The following KCNIP4 variants were observed in gnomAD, a reference collection of about 807,000 sequenced individuals.
The protein encoded by KCNIP4 is potassium voltage-gated channel interacting protein 4.
Under a neutral mutation model 34.0 loss-of-function variants are expected in KCNIP4, and 12 were observed. The observed-to-expected ratio is 0.35, with a 90% confidence interval of 0.23 to 0.57. KCNIP4 has a LOEUF of 0.57. Ranked by LOEUF, KCNIP4 falls within the 20% of genes least tolerant of loss-of-function variation. KCNIP4 has a pLI of 0.83. For missense variants in KCNIP4, 238 were observed against 311.7 expected (o/e 0.76, Z 1.78); for synonymous variants, 124 against 102.2 (o/e 1.21, Z -1.29).
At chr4:21,146,240 T>C (rs1329579655) in intron 1 of KCNIP4, among the ~76,000 whole-genome samples, 1 of 151,714 alleles carries the variant, frequency 6.6e-6, no homozygotes, top group Non-Finnish European at 1.5e-5. Context: ...CTACTAAAAA[T>C]ACAAAAAATT....
chr4:21,405,329 A>G (rs561041153), intron 1 of KCNIP4, among the ~76,000 whole-genome samples: 1 of 152,332 alleles, frequency 6.6e-6, no homozygotes, highest in South Asian at 2.1e-4. Context: ...ATGGTCATGA[A>G]TAAAATCTTC....
intron 3 of KCNIP4, among the ~76,000 whole-genome samples, chr4:20,837,623 G>GAT (rs34413889): frequency 0.21 from 30,708 of 143,728 alleles, 3,636 homozygotes; most frequent in South Asian, 0.36. Flanking sequence ...AGTTCTCAGT[G>GAT]ATATATATAT....
chr4:21,721,929 T>A (rs766245122), intron 1 of KCNIP4, among the ~76,000 whole-genome samples: 1 of 152,170 alleles, frequency 6.6e-6, no homozygotes, highest in Non-Finnish European at 1.5e-5. Flanking sequence ...ATTTAGACAG[T>A]GCTTACCTGT....
intron 1 of KCNIP4, among the ~76,000 whole-genome samples, chr4:21,922,920 T>C (rs13103030): frequency 1.3e-5 from 2 of 152,070 alleles, no homozygotes; most frequent in African/African-American, 4.8e-5. Context: ...TAAGTCACAA[T>C]GTTATTATAA....
intron 1 of KCNIP4, among the ~76,000 whole-genome samples, chr4:21,706,318 T>C (rs894187486): frequency 2.0e-5 from 3 of 152,162 alleles, no homozygotes; most frequent in East Asian, 3.9e-4. Context: ...GTAAGGGGAC[T>C]ACTAAAATTC....
chr4:21,668,454 A>G (rs1458303367), intron 1 of KCNIP4, among the ~76,000 whole-genome samples: 1 of 152,216 alleles, frequency 6.6e-6, no homozygotes, highest in Non-Finnish European at 1.5e-5. Context: ...TTTTATGAAG[A>G]TATTTATGTG....
chr4:21,345,097 A>T (rs1177728896), intron 1 of KCNIP4, among the ~76,000 whole-genome samples: 2 of 152,104 alleles, frequency 1.3e-5, no homozygotes, highest in Non-Finnish European at 2.9e-5. Context: ...AAGTGATGGA[A>T]TGTCACTTCT....
chr4:21,438,024 G>A (rs1560405300), intron 1 of KCNIP4, among the ~76,000 whole-genome samples: 1 of 151,946 alleles, frequency 6.6e-6, no homozygotes, highest in Non-Finnish European at 1.5e-5. Context: ...AGTTCTCTGA[G>A]TCTTGTTATG....
intron 1 of KCNIP4, among the ~76,000 whole-genome samples, chr4:20,926,901 C>CTTTTCTTG (rs1729956366): frequency 1.6e-4 from 24 of 152,200 alleles, no homozygotes; most frequent in Admixed American, 1.6e-3. Context: ...AATTTTTACA[C>CTTTTCTTG]CTCTCTAAAC....
chr4:20,884,051 T>G (rs1577312371), intron 1 of KCNIP4, among the ~76,000 whole-genome samples: 1 of 152,212 alleles, frequency 6.6e-6, no homozygotes, highest in Admixed American at 6.5e-5. Flanking sequence ...GGCCGTCCTC[T>G]GGCCTTGACA....
At position 21,694,749 on chromosome 4, in the gene KCNIP4, T is replaced by C. The variant is rs540603182; in HGVS notation, c.61+253822A>G. On this transcript the variant is annotated intron_variant, in intron 1 of 8. Coordinates refer to ENST00000382152, the MANE Select transcript of KCNIP4 (RefSeq NM_025221.6). The stretch of plus-strand genomic sequence containing the variant: ...ATAAGACAAATTGAAGGAAAGTTTG[T>C]ATCCACAAAAATTTCTTTGCACTTC... Among the ~76,000 whole-genome samples, 18 of 152,108 alleles carry C rather than the reference T, an allele frequency of 1.2e-4. No homozygotes were observed. In the South Asian group the frequency reaches 2.9e-3, roughly 25 times the overall value.
At chr4:21,205,968 A>G (rs1317683894) in intron 1 of KCNIP4, among the ~76,000 whole-genome samples, 1 of 152,230 alleles carries the variant, frequency 6.6e-6, no homozygotes, top group African/African-American at 2.4e-5. Context: ...ATCTGCATTC[A>G]GGTTCTGCCT....
At chr4:20,789,360 A>G (rs1335459759) in intron 3 of KCNIP4, among the ~76,000 whole-genome samples, 1 of 152,190 alleles carries the variant, frequency 6.6e-6, no homozygotes, top group Non-Finnish European at 1.5e-5. Flanking sequence ...AATAAAGACA[A>G]TGAACAGCTT....
chr4:20,842,724 G>C (rs1719903649), intron 3 of KCNIP4, among the ~76,000 whole-genome samples: 1 of 152,044 alleles, frequency 6.6e-6, no homozygotes, highest in South Asian at 2.1e-4. Context: ...TAGGCAAGGA[G>C]TCTGGGTCAT....
At chr4:21,942,753 TTGTTTTGTTA>T (rs959689651) in intron 1 of KCNIP4, among the ~76,000 whole-genome samples, 1 of 152,186 alleles carries the variant, frequency 6.6e-6, no homozygotes, top group African/African-American at 2.4e-5. Flanking sequence ...GTTTTTTGTT[TTGTTTTGTTA>T]TGTTTTGTTT....
intron 2 of KCNIP4, among the ~76,000 whole-genome samples, chr4:20,853,421 G>C (rs187139856): frequency 1.1e-3 from 163 of 152,202 alleles, no homozygotes; most frequent in African/African-American, 3.7e-3. Flanking sequence ...AATGGTGCTG[G>C]GATAATTGGC....
chr4:21,466,864 G>A (rs1298329704), intron 1 of KCNIP4, among the ~76,000 whole-genome samples: 1 of 152,006 alleles, frequency 6.6e-6, no homozygotes, highest in African/African-American at 2.4e-5. Flanking sequence ...GTCCATAGAG[G>A]TGAAGCAAAT....
intron 4 of KCNIP4, among the ~76,000 whole-genome samples, chr4:20,754,442 G>A (rs189704685): frequency 5.3e-5 from 8 of 152,242 alleles, no homozygotes; most frequent in African/African-American, 1.7e-4. Context: ...GGATGACTCC[G>A]TGGAAGTGTA....
chr4:21,355,811 C>A (rs1375149160), intron 1 of KCNIP4, among the ~76,000 whole-genome samples: 1 of 152,120 alleles, frequency 6.6e-6, no homozygotes, highest in Non-Finnish European at 1.5e-5. Context: ...AGGAGGCCAG[C>A]ATCATCCTGA....
Sources: gnomAD v4.1 joint callset for allele counts (sites outside exome capture counted in the v4.1 genomes callset) on GRCh38, gnomAD v4.1.1 for gene constraint, MANE v1.5 for transcripts, NCBI Gene and HGNC (gene_info 2026-07-23, HGNC 2026-07-21) for gene names.